Variants in LTA4H observed in about 807,000 individuals in gnomAD.
LTA4H encodes the protein leukotriene A4 hydrolase, also known as leukotriene A-4 hydrolase.
In LTA4H, 59 loss-of-function variants were observed where a neutral mutation model predicts 89.8. That is an observed-to-expected ratio of 0.66 (90% CI 0.53 to 0.82). The LOEUF (loss-of-function observed/expected upper bound fraction) is 0.82, where lower values mean the gene tolerates loss of function less well. LTA4H is among the 40% of genes least tolerant of loss of function. LTA4H has a pLI of 0.00. For synonymous variants in LTA4H, 227 were observed against 253.1 expected (o/e 0.90, Z 0.98); for missense variants, 617 against 727.0 (o/e 0.85, Z 1.74).
Position 96,022,695 on chromosome 12 carries a change from C to T in LTA4H, c.481-444G>A, listed in dbSNP as rs1566013034. The stretch of plus-strand genomic sequence containing the variant: ...ACAAACTTGGGCAAATAAATATAAC[C>T]CCCGAGCCTCAGTTTCCCCATCAAG... On this transcript the variant is annotated intron_variant, in intron 4 of 18. Transcript: ENST00000228740. This position sits in a 1 kb window ranked among gnomAD's most constrained non-coding sequence, Gnocchi z 4.0. 6.6e-6 allele frequency among the ~76,000 whole-genome samples: 1 copy of T among 152,000 alleles called. No individual in the cohort carries two copies. Among genetic ancestry groups the T allele is most frequent in the African/African-American group, 2.4e-5 (1 of 41,376 alleles).
rs143721623 is a variant in LTA4H at position 96,029,065 on chromosome 12, C to T, written c.280G>A (p.Ala94Thr). The part of the protein sequence containing the change: ...GSPMEISLPI[A>T]LSKNQEIVIE... ...TCATAACATTCATACTTGCTCAAAG[C>T]GATAGGAAGAGAGATTTCCATTGGC... The change falls in exon 2 of 19, where the codon GCT becomes ACT. Residue 94 changes from alanine (A) to threonine (T), a missense_variant. Ala to Thr is a moderately conservative substitution (Grantham distance 58). Coordinates refer to ENST00000228740, the MANE Select transcript of LTA4H (RefSeq NM_000895.3). 6.2e-3 allele frequency: 9,828 copies of T among 1,584,006 alleles called. 33 individuals are homozygous for T. The highest frequency in any genetic ancestry group is 7.5e-3 in the Non-Finnish European group (8,811 of 1,167,036).
chr12:96,013,769 TAC>T lies in LTA4H; in HGVS notation c.1287_1288del (p.Tyr430PhefsTer4). On this transcript the variant is annotated frameshift_variant, in exon 13 of 19. Coordinates refer to ENST00000228740, the MANE Select transcript of LTA4H (RefSeq NM_000895.3). LOFTEE classifies it high-confidence loss of function. ...TCCAACCTTATCTTTAAAATAGGAATACAGGAAATCCTTCCAGTCATCAGTAG... is the reference window on the plus strand; with the variant it reads ...TCCAACCTTATCTTTAAAATAGGAATAGGAAATCCTTCCAGTCATCAGTAG... 1 of 1,560,802 alleles carries T rather than the reference TAC, an allele frequency of 6.4e-7. No homozygotes were observed. The highest frequency in any genetic ancestry group is 8.8e-7 in the Non-Finnish European group (1 of 1,141,158).
rs1037681037 is a variant in LTA4H, at chr12:96,015,084, C to T, written c.1060-85G>A. The T allele has an allele frequency of 4.7e-6, 6 of 1,263,818 alleles. No individual in the cohort carries two copies. The African/African-American group carries it at 7.5e-5, about 16-fold the overall frequency. 78.3% of individuals were successfully genotyped at this position (1,263,818 alleles called of 1,614,324 possible). ...AAGCTAATAAGGAGGTATTACTTCACTCAGTGGTGTAACTTTAGGGGAATC... is the reference window on the plus strand; with the variant it reads ...AAGCTAATAAGGAGGTATTACTTCATTCAGTGGTGTAACTTTAGGGGAATC... On this transcript the variant is annotated intron_variant, in intron 11 of 18. Transcript: ENST00000228740.
chr12:96,035,232 G>A, intron 1 of LTA4H, 129 bp downstream of exon 1: 1 of 905,348 alleles, frequency 1.1e-6, no homozygotes, highest in East Asian at 2.7e-5. Flanking sequence ...CTACAGAAGA[G>A]CAGACGGGGA....
rs796421652 is a variant in LTA4H, at chr12:96,035,399, G to A, written c.121C>T (p.Leu41Phe). The change falls in exon 1 of 19, where the codon CTC becomes TTC. Residue 41 changes from leucine (L) to phenylalanine (F), a missense_variant. Physicochemically the swap from Leu to Phe is conservative, Grantham distance 22. Transcript: ENST00000228740. The part of the protein sequence containing the change: ...TRRTLTGTAA[L>F]TVQSQEDNLR... ...TTGTCCTCCTGAGACTGGACCGTGAGAGCAGCAGTCCCGGTCAGCGTCCGG... is the reference window on the plus strand; with the variant it reads ...TTGTCCTCCTGAGACTGGACCGTGAAAGCAGCAGTCCCGGTCAGCGTCCGG... The A allele has an allele frequency of 6.2e-7, 1 of 1,611,800 alleles. No homozygotes were observed.
chr12:96,043,002 A>G (rs1950699567), intron 1 of LTA4H, among the ~76,000 whole-genome samples: 1 of 152,208 alleles, frequency 6.6e-6, no homozygotes, highest in African/African-American at 2.4e-5. Context: ...CCTGCTTACC[A>G]TTCCCATCTC....
exon 1 of LTA4H, chr12:96,043,432 A>G (rs2136932081): frequency 9.3e-7 from 1 of 1,072,186 alleles, no homozygotes; most frequent in East Asian, 2.6e-5. Flanking sequence ...TCCCAAGCCC[A>G]TGCATCCTCT....
upstream of LTA4H, among the ~76,000 whole-genome samples, chr12:96,035,929 G>T (rs954496417): frequency 1.1e-4 from 17 of 152,176 alleles, no homozygotes; most frequent in African/African-American, 4.1e-4. Flanking sequence ...GCAAACGTAA[G>T]AAAATCAGGT....
chr12:96,002,581 C>A (rs1388763311), intron 18 of LTA4H, among the ~76,000 whole-genome samples: 2 of 152,132 alleles, frequency 1.3e-5, no homozygotes, highest in African/African-American at 2.4e-5. Flanking sequence ...CATTTGAACA[C>A]AAAAGAGTTA....
chr12:96,006,837 C>T (rs1480316476), intron 15 of LTA4H, among the ~76,000 whole-genome samples: 1 of 152,072 alleles, frequency 6.6e-6, no homozygotes, highest in Admixed American at 6.5e-5. Context: ...TTTCCTCCAT[C>T]CCCACATATT....
intron 1 of LTA4H, chr12:96,043,141 C>T: frequency 1.6e-6 from 1 of 613,232 alleles, no homozygotes; most frequent in Non-Finnish European, 2.9e-6. Context: ...GCTTTCTCCA[C>T]ATTCTGCCTA....
At chr12:96,038,840 T>C (rs1013872266), upstream of LTA4H, among the ~76,000 whole-genome samples, 4 of 150,004 alleles carry the variant, frequency 2.7e-5, no homozygotes, top group African/African-American at 9.9e-5. Context: ...CTTCTATTAT[T>C]GATTACCAGG....
chr12:96,022,699 G>A lies in LTA4H; in HGVS notation c.481-448C>T, dbSNP rs552802518. ...ACTTGGGCAAATAAATATAACCCCC[G>A]AGCCTCAGTTTCCCCATCAAGTAAG... is the stretch of plus-strand genomic sequence containing the variant. On this transcript the variant is annotated intron_variant, in intron 4 of 18. Coordinates refer to ENST00000228740, the MANE Select transcript of LTA4H (RefSeq NM_000895.3). The surrounding 1 kb of genome is among the most constrained non-coding windows in gnomAD (Gnocchi z 4.0). 3.0e-4 allele frequency among the ~76,000 whole-genome samples: 46 copies of A among 152,074 alleles called. 1 individual carries two copies. The highest frequency in any genetic ancestry group is 2.7e-3 in the Admixed American group (41 of 15,266).
In LTA4H at chr12:96,014,941, A is replaced by C. The variant is rs868009051; in HGVS notation, c.1118T>G (p.Ile373Arg). 3 of 1,613,728 alleles carry C rather than the reference A, an allele frequency of 1.9e-6. No homozygotes were observed. The change falls in exon 12 of 19, where the codon ATA (isoleucine) becomes AGA (arginine). Residue 373 changes from isoleucine (I) to arginine (R), a missense_variant. Ile to Arg is a moderately conservative substitution (Grantham distance 97). This residue lies in a region of LTA4H where 290 missense variants were observed against 339.1 expected (regional missense o/e 0.86). Transcript: ENST00000228740. ...FTKLVVDLTD[I>R]DPDVAYSSVP... ...TGAAGAATAAGCTACATCAGGGTCTATATCTGTCAGATCAACCACAAGTTT... is the reference window on the plus strand; with the variant it reads ...TGAAGAATAAGCTACATCAGGGTCTCTATCTGTCAGATCAACCACAAGTTT...
chr12:96,002,041 T>G (rs1950113665), intron 18 of LTA4H, among the ~76,000 whole-genome samples: 1 of 152,122 alleles, frequency 6.6e-6, no homozygotes, highest in Non-Finnish European at 1.5e-5. Context: ...GTATTTTTAG[T>G]ACAGACAGGG....
At chr12:96,034,037 G>C (rs990877953) in intron 1 of LTA4H, among the ~76,000 whole-genome samples, 1 of 152,228 alleles carries the variant, frequency 6.6e-6, no homozygotes, top group African/African-American at 2.4e-5. Context: ...TTAGCAAAAT[G>C]TTGAGGGATG....
Position 96,013,817 on chromosome 12 carries a change from T to G in LTA4H, c.1241A>C (p.Lys414Thr), listed in dbSNP as rs143080064. 1.4e-4 allele frequency: 221 copies of G among 1,575,818 alleles called. No individual in the cohort carries two copies. Among genetic ancestry groups the G allele is most frequent in the Non-Finnish European group, 1.9e-4 (214 of 1,152,748 alleles). ...FLGFLKAYVE[K>T]FSYKSITTDD... is the part of the protein sequence containing the mutation. ...AGTAGTTATGCTCTTATAGGAAAAC[T>G]TCTCAACATAAGCTTTTAAGAATCC... The change falls in exon 13 of 19, where the codon AAG becomes ACG. Residue 414 changes from lysine to threonine, a missense_variant. Coordinates refer to ENST00000228740, the MANE Select transcript of LTA4H (RefSeq NM_000895.3).
chr12:96,011,657 TTCA>T (rs1950302878), intron 14 of LTA4H: 1 of 152,234 alleles, frequency 6.6e-6, no homozygotes, highest in Non-Finnish European at 1.5e-5. Context: ...GAGTTCCTTA[TTCA>T]TCATATTAGT....
At position 96,017,556 on chromosome 12, in the gene LTA4H, C is replaced by T; in HGVS notation, c.876+1G>A. On this transcript the variant is annotated splice_donor_variant, in intron 9 of 18. Coordinates refer to ENST00000228740, the MANE Select transcript of LTA4H (RefSeq NM_000895.3). LOFTEE classifies it high-confidence loss of function. ...GGCCATAATGAAAAAGTTTAACTTA[C>T]ATTGGAGAGTGACTTGTCGCCTGCC... 6.2e-7 allele frequency: 1 copy of T among 1,610,006 alleles called. No homozygotes were observed. The highest frequency in any genetic ancestry group is 8.5e-7 in the Non-Finnish European group (1 of 1,177,232).
Sources: allele counts gnomAD v4.1 joint callset (sites outside exome capture counted in the v4.1 genomes callset), GRCh38; gene constraint gnomAD v4.1.1; regional missense constraint gnomAD v4.1.1; non-coding constraint Gnocchi (gnomAD v3.1); transcripts MANE v1.5; gene names NCBI Gene and HGNC (gene_info 2026-07-23, HGNC 2026-07-21).